TP63: variants seen among roughly 807,000 people sequenced by gnomAD.
TP63 encodes the protein tumor protein p63, also known as tumor protein 63.
In TP63, 17 loss-of-function variants were observed where a neutral mutation model predicts 82.8. The observed-to-expected ratio is 0.21, with a 90% CI of 0.14 to 0.31. The LOEUF (loss-of-function observed/expected upper bound fraction) is 0.31, where lower values mean the gene tolerates loss of function less well. Among genes scored for constraint, TP63 ranks in the 10% least tolerant of loss-of-function variants. The pLI is 1.00. For synonymous variants in TP63, 330 were observed against 321.7 expected, an observed-to-expected ratio of 1.03 and a Z score of -0.28; for missense variants, 648 against 895.3, an observed-to-expected ratio of 0.72 and a Z score of 3.52.
chr3:189,777,842 C>CTTTTTTTTT (rs1723924680), intron 3 of TP63, among the ~76,000 whole-genome samples: 1 of 65,928 alleles, frequency 1.5e-5, no homozygotes, highest in African/African-American at 6.6e-5. Context: ...TCTTCTTCTT[C>CTTTTTTTTT]TTCTTTTTTT....
At chr3:189,672,634 A>AAGGG (rs370937814) in intron 1 of TP63, among the ~76,000 whole-genome samples, 2,589 of 103,370 alleles carry the variant, frequency 0.025, 38 homozygotes, top group Middle Eastern at 0.049. Flanking sequence ...GGAAGGAAGG[A>AAGGG]AGGGAGGGAG....
At chr3:189,831,941 C>T (rs1053409196) in intron 4 of TP63, among the ~76,000 whole-genome samples, 1 of 145,822 alleles carries the variant, frequency 6.9e-6, no homozygotes, top group Non-Finnish European at 1.5e-5. Flanking sequence ...AAGTGATTCT[C>T]CTGCCCCAAC....
At position 189,867,726 on chromosome 3, in the gene TP63, G is replaced by A. The variant is rs949488251; in HGVS notation, c.883-107G>A. 2.3e-5 allele frequency: 23 copies of A among 1,015,146 alleles called. No homozygotes were observed. In the African/African-American group the frequency reaches 2.4e-4, roughly 11 times the overall value. 62.9% of individuals were successfully genotyped at this position (1,015,146 alleles called of 1,614,324 possible). On this transcript the variant is annotated intron_variant, in intron 6 of 13. Transcript: ENST00000264731. ...AGAGTTTGCCCTTTTAGGAGGAAGC[G>A]TATCACTTCATCAGAAGTGGAATTC...
At chr3:189,631,624 C>T in intron 1 of TP63, 47 bp downstream of exon 1, 1 of 1,611,536 alleles carries the variant, frequency 6.2e-7, no homozygotes, top group East Asian at 2.2e-5. Context: ...AATTGAAGTG[C>T]CTTGTGTATT....
At chr3:189,819,465 C>A (rs566841330) in intron 4 of TP63, among the ~76,000 whole-genome samples, 25 of 152,114 alleles carry the variant, frequency 1.6e-4, no homozygotes, top group Admixed American at 7.9e-4. Flanking sequence ...CCACAACAGT[C>A]CCCAGTGTGT....
chr3:189,723,851 A>T (rs116838565), intron 1 of TP63, among the ~76,000 whole-genome samples: 1,931 of 152,304 alleles, frequency 0.013, 33 homozygotes, highest in Middle Eastern at 0.054. Flanking sequence ...GTATTGGAAG[A>T]TAGACATTTC....
chr3:189,886,672 A>G, intron 11 of TP63, 121 bp downstream of exon 11: 1 of 1,409,060 alleles, frequency 7.1e-7, no homozygotes, highest in Non-Finnish European at 9.7e-7. Context: ...AGATCAGATC[A>G]AAGTGGAGTG....
At chr3:189,797,971 T>C (rs1725882985) in intron 3 of TP63, among the ~76,000 whole-genome samples, 1 of 152,040 alleles carries the variant, frequency 6.6e-6, no homozygotes, top group African/African-American at 2.4e-5. Context: ...TCCTCTGAAC[T>C]CTTTTACTCT....
rs373564022 is a variant in TP63, at chr3:189,842,061, G to A, written c.580-22171G>A. ...GAAAGAAATGATAGTGTAGTAGCCC[G>A]CGGTTTTGCAGGCAGTTGGGAGTAG... On this transcript the variant is annotated intron_variant, in intron 4 of 13. Coordinates refer to ENST00000264731, the MANE Select transcript of TP63 (RefSeq NM_003722.5). 3.0e-3 allele frequency among the ~76,000 whole-genome samples: 457 copies of A among 152,294 alleles called. 1 individual carries two copies. The highest frequency in any genetic ancestry group is 0.027 in the Middle Eastern group (8 of 294).
At chr3:189,717,027 A>G (rs369458776) in intron 1 of TP63, among the ~76,000 whole-genome samples, 2 of 152,234 alleles carry the variant, frequency 1.3e-5, no homozygotes, top group South Asian at 2.1e-4. Flanking sequence ...AGAACTCCCA[A>G]CCTCAGGTGA....
the TP63 span, among the ~76,000 whole-genome samples, chr3:189,598,191 G>A: frequency 1.3e-5 from 2 of 150,534 alleles, no homozygotes; most frequent in African/African-American, 2.4e-5. Context: ...AGAAACATAC[G>A]AAACACAATA....
chr3:189,677,902 C>T (rs529632472), intron 1 of TP63, among the ~76,000 whole-genome samples: 6 of 151,772 alleles, frequency 4.0e-5, no homozygotes, highest in East Asian at 1.9e-4. Context: ...TCTTCTGAAA[C>T]GTGTCTGTTC....
At chr3:189,619,649 A>T in the TP63 span, among the ~76,000 whole-genome samples, 47 of 152,322 alleles carry the variant, frequency 3.1e-4, no homozygotes, top group African/African-American at 8.9e-4. Context: ...AGTACAACTT[A>T]GCAGTAACCA....
chr3:189,833,948 G>C (rs1394210436), intron 4 of TP63, among the ~76,000 whole-genome samples: 1 of 152,152 alleles, frequency 6.6e-6, no homozygotes, highest in Non-Finnish European at 1.5e-5. Flanking sequence ...GGAAAGAATT[G>C]TTATAAAGCA....
At chr3:189,728,765 C>T (rs57078656) in intron 1 of TP63, among the ~76,000 whole-genome samples, 1 of 152,148 alleles carries the variant, frequency 6.6e-6, no homozygotes, top group Non-Finnish European at 1.5e-5. Context: ...ATGCCAGATA[C>T]TTATAAAACC....
At chr3:189,651,902 G>C (rs1470103923) in intron 1 of TP63, among the ~76,000 whole-genome samples, 1 of 147,266 alleles carries the variant, frequency 6.8e-6, no homozygotes. Flanking sequence ...AGCTTTGGCA[G>C]CTTCCACATG....
At chr3:189,664,864 G>A (rs1714239174) in intron 1 of TP63, among the ~76,000 whole-genome samples, 2 of 151,884 alleles carry the variant, frequency 1.3e-5, no homozygotes, top group Non-Finnish European at 2.9e-5. Flanking sequence ...TTCACTAAAA[G>A]CAGAAGAGAT....
intron 10 of TP63, among the ~76,000 whole-genome samples, chr3:189,878,385 C>CT (rs1203096619): frequency 0.011 from 1,144 of 107,708 alleles, 17 homozygotes; most frequent in South Asian, 0.015. Context: ...TTACAGTTTC[C>CT]TTTTTTTTTT....
intron 4 of TP63, among the ~76,000 whole-genome samples, chr3:189,860,194 G>A (rs1166712108): frequency 6.6e-6 from 1 of 152,110 alleles, no homozygotes; most frequent in Non-Finnish European, 1.5e-5. Context: ...TCAAGTCAAT[G>A]TTGAGGAGCA....
Sources: allele counts gnomAD v4.1 joint callset (sites outside exome capture counted in the v4.1 genomes callset), GRCh38; gene constraint gnomAD v4.1.1; transcripts MANE v1.5; gene names NCBI Gene and HGNC (gene_info 2026-07-23, HGNC 2026-07-21).